Variants in HSD17B4 observed in about 807,000 individuals in gnomAD.
HSD17B4 encodes hydroxysteroid 17-beta dehydrogenase 4.
A neutral mutation model predicts 101.0 loss-of-function variants in HSD17B4; 70 were observed. That is an observed-to-expected ratio of 0.69 (90% CI 0.57 to 0.85). The LOEUF is 0.85. HSD17B4 is among the 40% of genes least tolerant of loss of function. The pLI is 0.00. For synonymous variants in HSD17B4, 347 were observed against 297.1 expected (o/e 1.17, Z -1.73); for missense variants, 984 against 892.4 (o/e 1.10, Z -1.31).
chr5:119,526,163 TCAG>T (rs989257492), intron 19 of HSD17B4, 140 bp downstream of exon 19: 6 of 657,956 alleles, frequency 9.1e-6, no homozygotes, highest in African/African-American at 3.6e-5. Flanking sequence ...GACCTGGCAA[TCAG>T]CACACTTTCT....
intron 7 of HSD17B4, 111 bp from the exon 8 acceptor site, chr5:119,478,723 A>G: frequency 1.3e-6 from 1 of 774,104 alleles, no homozygotes; most frequent in East Asian, 2.5e-5. Context: ...GAAGCTAATG[A>G]CAGTACACAT....
At chr5:119,477,345 A>T in intron 6 of HSD17B4, 72 bp from the exon 7 acceptor site, 1 of 1,020,230 alleles carries the variant, frequency 9.8e-7, no homozygotes, top group Non-Finnish European at 1.5e-6. Flanking sequence ...TAAATACAAC[A>T]TTGCTTATGT....
rs779688861 is a variant in HSD17B4, at chr5:119,542,005, A to G, written c.*11A>G. 1.3e-6 allele frequency: 2 copies of G among 1,558,176 alleles called. No homozygotes were observed. Among genetic ancestry groups the G allele is most frequent in the Non-Finnish European group, 1.8e-6 (2 of 1,129,964 alleles). On this transcript the variant is annotated 3_prime_UTR_variant, in exon 24 of 24. Coordinates refer to ENST00000510025, the MANE Select transcript of HSD17B4 (RefSeq NM_000414.4). ...TACGCCAAGCTCTGAAGGGCACACT[A>G]CACTATTAATAAAAATGGAATCATT... is the stretch of plus-strand genomic sequence containing the variant.
chr5:119,540,055 G>A (rs886334057), intron 23 of HSD17B4, among the ~76,000 whole-genome samples: 3 of 152,026 alleles, frequency 2.0e-5, no homozygotes, highest in Admixed American at 2.0e-4. Flanking sequence ...TCATGCAGCT[G>A]TAGCCTGGGT....
At chr5:119,483,256 T>G (rs1219281546) in intron 8 of HSD17B4, among the ~76,000 whole-genome samples, 1 of 152,184 alleles carries the variant, frequency 6.6e-6, no homozygotes, top group East Asian at 1.9e-4. Context: ...GTGTTCTAAC[T>G]GCTTGGGCTC....
chr5:119,532,023 A>C (rs973070172), intron 22 of HSD17B4, among the ~76,000 whole-genome samples: 1 of 152,190 alleles, frequency 6.6e-6, no homozygotes. Context: ...CCCTGGTACC[A>C]TTTTGTGAAG....
chr5:119,525,057 A>T (rs1753454486), intron 17 of HSD17B4, among the ~76,000 whole-genome samples, 159 bp from the exon 18 acceptor site: 1 of 152,122 alleles, frequency 6.6e-6, no homozygotes, highest in African/African-American at 2.4e-5. Flanking sequence ...ATTTCATTAT[A>T]GGTAATCTTT....
At chr5:119,491,838 GC>G (rs1750134820) in intron 9 of HSD17B4, among the ~76,000 whole-genome samples, 1 of 152,128 alleles carries the variant, frequency 6.6e-6, no homozygotes, top group South Asian at 2.1e-4. Context: ...TTTGTATCAA[GC>G]CTTGGTCTCT....
At chr5:119,476,727 A>G in intron 6 of HSD17B4, 3 of 984,994 alleles carry the variant, frequency 3.0e-6, no homozygotes, top group Non-Finnish European at 3.6e-6. Context: ...GGACTGAGGT[A>G]TTTCCTTCTC....
intron 16 of HSD17B4, among the ~76,000 whole-genome samples, chr5:119,512,222 G>A (rs73249990): frequency 0.027 from 4,164 of 152,178 alleles, 178 homozygotes; most frequent in African/African-American, 0.092. Flanking sequence ...GAGAAAGATG[G>A]AGTATCACTA....
At chr5:119,497,041 G>C (rs990723101) in intron 12 of HSD17B4, among the ~76,000 whole-genome samples, 1 of 152,180 alleles carries the variant, frequency 6.6e-6, no homozygotes, top group South Asian at 2.1e-4. Context: ...AGATCAGAGC[G>C]ATTGGGTATC....
At position 119,477,547 on chromosome 5, in the gene HSD17B4, TG is replaced by T. The variant is rs569164949; in HGVS notation, c.434+51del. On this transcript the variant is annotated intron_variant, in intron 7 of 23. Coordinates refer to ENST00000510025, the MANE Select transcript of HSD17B4 (RefSeq NM_000414.4). Reference sequence around the variant, plus strand: ...CAAGGGGGATTTAAGATGTTGTGTCTGGGGGTTCTTGTGTACAGGGAAAGAT... The same window carrying T: ...CAAGGGGGATTTAAGATGTTGTGTCTGGGGTTCTTGTGTACAGGGAAAGAT... 618 of 1,209,766 alleles carry T rather than the reference TG, an allele frequency of 5.1e-4. 5 individuals carry two copies. The highest frequency in any genetic ancestry group is 4.8e-3 in the South Asian group (398 of 83,166). The allele number at this position is 1,209,766 out of a possible 1,614,324, so 74.9% of individuals were successfully genotyped here.
intron 14 of HSD17B4, among the ~76,000 whole-genome samples, chr5:119,506,610 T>G (rs557897029): frequency 6.6e-6 from 1 of 152,354 alleles, no homozygotes; most frequent in East Asian, 1.9e-4. Context: ...CCACAGTGGT[T>G]GAACTAATTT....
intron 2 of HSD17B4, among the ~76,000 whole-genome samples, chr5:119,459,087 A>G (rs959255038): frequency 6.6e-6 from 1 of 152,248 alleles, no homozygotes; most frequent in African/African-American, 2.4e-5. Flanking sequence ...CTACAGTTAC[A>G]TAATAATGGT....
At chr5:119,452,664 C>T (rs1180266025) in intron 1 of HSD17B4, 31 bp downstream of exon 1, 3 of 1,613,268 alleles carry the variant, frequency 1.9e-6, no homozygotes, top group East Asian at 4.5e-5. Flanking sequence ...GGCCGCGCCC[C>T]TTGCTGAGGC....
At chr5:119,487,695 A>T (rs1309937273) in intron 8 of HSD17B4, among the ~76,000 whole-genome samples, 1 of 151,972 alleles carries the variant, frequency 6.6e-6, no homozygotes, top group Admixed American at 6.6e-5. Context: ...CATTTTATAG[A>T]TATGTTTATT....
At chr5:119,457,498 A>C (rs1261263649) in intron 2 of HSD17B4, among the ~76,000 whole-genome samples, 1 of 152,160 alleles carries the variant, frequency 6.6e-6, no homozygotes, top group Admixed American at 6.5e-5. Flanking sequence ...CTTGTTTAAG[A>C]TCATAGGCAC....
At chr5:119,531,203 A>G (rs1274451977) in intron 21 of HSD17B4, 63 bp from the exon 22 acceptor site, 10 of 1,540,666 alleles carry the variant, frequency 6.5e-6, no homozygotes, top group Non-Finnish European at 9.0e-6. Flanking sequence ...ATGTTTTATA[A>G]TCACTTTTCT....
chr5:119,534,381 A>AT (rs1460883213), intron 22 of HSD17B4, among the ~76,000 whole-genome samples: 1 of 152,032 alleles, frequency 6.6e-6, no homozygotes, highest in Non-Finnish European at 1.5e-5. Context: ...TATGTACTAT[A>AT]TATGTACTGT....
Sources: allele counts gnomAD v4.1 joint callset (sites outside exome capture counted in the v4.1 genomes callset), GRCh38; gene constraint gnomAD v4.1.1; transcripts MANE v1.5; gene names NCBI Gene and HGNC (gene_info 2026-07-23, HGNC 2026-07-21).